The following NFASC variants were observed in gnomAD, a reference collection of about 807,000 sequenced individuals.
The protein encoded by NFASC is neurofascin homolog.
A neutral mutation model predicts 147.5 loss-of-function variants in NFASC; 43 were observed. That is an observed-to-expected ratio of 0.29 (90% confidence interval 0.23 to 0.38). The LOEUF (loss-of-function observed/expected upper bound fraction) is 0.38, where lower values mean the gene tolerates loss of function less well. Among genes scored for constraint, NFASC ranks in the 10% least tolerant of loss-of-function variants. NFASC has a pLI of 1.00. For missense variants in NFASC, 1,320 were observed against 1,689.0 expected, an observed-to-expected ratio of 0.78 and a Z score of 3.83; for synonymous variants, 622 against 665.5, an observed-to-expected ratio of 0.93 and a Z score of 1.01.
intron 1 of NFASC, among the ~76,000 whole-genome samples, chr1:204,849,683 A>C (rs1159870165): frequency 6.6e-6 from 1 of 152,228 alleles, no homozygotes. Flanking sequence ...TCTGCAGCCC[A>C]GTGCTTTAAC....
intron 1 of NFASC, among the ~76,000 whole-genome samples, chr1:204,882,489 C>T (rs1017545335): frequency 6.6e-6 from 1 of 152,148 alleles, no homozygotes; most frequent in African/African-American, 2.4e-5. Context: ...ATATCACTTC[C>T]TGACCACCCT....
intron 4 of NFASC, among the ~76,000 whole-genome samples, chr1:204,951,418 C>A (rs931730600): frequency 6.6e-6 from 1 of 150,982 alleles, no homozygotes; most frequent in African/African-American, 2.4e-5. Flanking sequence ...TCCGCCTCAG[C>A]CTCTCAAAGT....
At chr1:204,937,760 G>A (rs766306557) in intron 2 of NFASC, among the ~76,000 whole-genome samples, 8 of 152,166 alleles carry the variant, frequency 5.3e-5, no homozygotes, top group Non-Finnish European at 7.3e-5. Flanking sequence ...AAACATCCAC[G>A]TGCAGGTCGG....
chr1:204,959,539 C>T (rs1430613939), intron 8 of NFASC, among the ~76,000 whole-genome samples: 2 of 152,204 alleles, frequency 1.3e-5, no homozygotes, highest in African/African-American at 4.8e-5. Flanking sequence ...ACAGCATTGG[C>T]AGGGGGAGGA....
In NFASC at chr1:204,975,154, G is replaced by A; in HGVS notation, c.1559-117G>A. 8.9e-7 allele frequency: 1 copy of A among 1,120,252 alleles called. No individual in the cohort carries two copies. The highest frequency in any genetic ancestry group is 1.5e-5 in the South Asian group (1 of 66,248). 69.4% of individuals were successfully genotyped at this position (1,120,252 alleles called of 1,614,324 possible). On this transcript the variant is annotated intron_variant, in intron 14 of 29. Coordinates refer to ENST00000339876, the MANE Select transcript of NFASC (RefSeq NM_001005388.3). The surrounding 1 kb of genome is among the most constrained non-coding windows in gnomAD (Gnocchi z 4.0). ...CCGTTCATACCATAGCATACTGTTT[G>A]TGCCCCACTCCATAGTTGGCCCAAG...
intron 1 of NFASC, among the ~76,000 whole-genome samples, chr1:204,847,606 G>C (rs1558492826): frequency 6.6e-6 from 1 of 152,170 alleles, no homozygotes; most frequent in East Asian, 1.9e-4. Context: ...CTTTATGTCT[G>C]CTCACTCATT....
intron 1 of NFASC, among the ~76,000 whole-genome samples, chr1:204,914,857 C>T (rs148122311): frequency 3.9e-5 from 6 of 152,082 alleles, no homozygotes; most frequent in African/African-American, 1.4e-4. Flanking sequence ...ATCACATTTA[C>T]CCAAAGATAT....
chr1:205,001,981 G>A lies in NFASC; in HGVS notation c.3137-615G>A, dbSNP rs78817048. Reference sequence around the variant, plus strand: ...AAAGACCCTCTCAGGAGAGAGCAAAGCTGACTTAGTTCTCTCTGGTTGGAG... The same window carrying A: ...AAAGACCCTCTCAGGAGAGAGCAAAACTGACTTAGTTCTCTCTGGTTGGAG... On this transcript the variant is annotated intron_variant, in intron 26 of 29. Transcript: ENST00000339876. Among the ~76,000 whole-genome samples, 1,225 of 152,326 alleles carry A rather than the reference G, an allele frequency of 8.0e-3. 24 individuals are homozygous for A. Among genetic ancestry groups the A allele is most frequent in the South Asian group, 0.013 (62 of 4,832 alleles).
chr1:204,940,887 A>G (rs566310061), intron 2 of NFASC, among the ~76,000 whole-genome samples: 1 of 152,334 alleles, frequency 6.6e-6, no homozygotes, highest in African/African-American at 2.4e-5. Flanking sequence ...GCTGTTGTGC[A>G]TGATGCTGCT....
At chr1:204,861,615 G>A (rs1013107354) in intron 1 of NFASC, among the ~76,000 whole-genome samples, 4 of 152,048 alleles carry the variant, frequency 2.6e-5, no homozygotes, top group South Asian at 4.1e-4. Context: ...TCAGCCTCCC[G>A]AGTAGCTGGG....
At chr1:204,962,009 A>G (rs16854813) in intron 8 of NFASC, 87,166 of 872,406 alleles carry the variant, frequency 0.1, 5,361 homozygotes, top group African/African-American at 0.24. Context: ...TGCCCTCCTC[A>G]GTTGTTTTTC....
chr1:204,848,209 A>C (rs1009772256), intron 1 of NFASC, among the ~76,000 whole-genome samples: 1 of 152,158 alleles, frequency 6.6e-6, no homozygotes, highest in Non-Finnish European at 1.5e-5. Flanking sequence ...AGTTAGATGC[A>C]GTCCCCTTTT....
intron 3 of NFASC, among the ~76,000 whole-genome samples, chr1:204,949,400 C>T (rs1409460312): frequency 1.3e-5 from 2 of 152,198 alleles, no homozygotes; most frequent in Non-Finnish European, 2.9e-5. Context: ...ATGGCTTTGC[C>T]CTGATGCTGG....
chr1:204,863,381 T>G (rs1452911024), intron 1 of NFASC, among the ~76,000 whole-genome samples: 1 of 152,242 alleles, frequency 6.6e-6, no homozygotes, highest in Admixed American at 6.5e-5. Flanking sequence ...GTGAAGGATG[T>G]TGCAGTGATT....
chr1:204,974,444 A>T (rs2150345377), intron 13 of NFASC, 154 bp downstream of exon 13: 1 of 800,482 alleles, frequency 1.2e-6, no homozygotes. Context: ...CAACCTCCTC[A>T]TTGTACAGAA....
In NFASC at chr1:205,002,833, G is replaced by A. The variant is rs185723151; in HGVS notation, c.3289+85G>A. On this transcript the variant is annotated intron_variant, in intron 27 of 29. Coordinates refer to ENST00000339876, the MANE Select transcript of NFASC (RefSeq NM_001005388.3). ...CAGCTTCCTGCTTGCCTCTCTCCTC[G>A]GAAAGAAGACTCATCCCCCACCCCA... 2.7e-4 allele frequency: 299 copies of A among 1,123,358 alleles called. 2 individuals are homozygous for A. The African/African-American group carries it at 4.0e-3, about 15-fold the overall frequency. The allele number at this position is 1,123,358 out of a possible 1,614,324, so 69.6% of individuals were successfully genotyped here. A position where few individuals can be genotyped will look rare whatever the true frequency, so the allele number is the denominator to read the frequency against.
At position 204,984,570 on chromosome 1, in the gene NFASC, G is replaced by A. The variant is rs1334279042; in HGVS notation, c.2470+2550G>A. Among the ~76,000 whole-genome samples the A allele has an allele frequency of 3.9e-5, 6 of 152,018 alleles. No individual in the cohort carries two copies. The Middle Eastern group carries it at 0.017, about 431-fold the overall frequency. ...TTCAGAGCAGTGTTGAGGCACCGCT[G>A]AGCTACTCCCCTCCCCTCTCCCAAT... On this transcript the variant is annotated intron_variant, in intron 21 of 29. Coordinates refer to ENST00000339876, the MANE Select transcript of NFASC (RefSeq NM_001005388.3).
chr1:204,915,177 G>A (rs1040105104), intron 1 of NFASC, among the ~76,000 whole-genome samples: 3 of 152,164 alleles, frequency 2.0e-5, no homozygotes, highest in Admixed American at 2.0e-4. Flanking sequence ...CTACTCGGGA[G>A]GCTGAGGCAG....
chr1:204,961,151 G>A (rs2094644397), intron 8 of NFASC, among the ~76,000 whole-genome samples: 1 of 152,074 alleles, frequency 6.6e-6, no homozygotes, highest in Admixed American at 6.5e-5. Flanking sequence ...AGGTAGAGAG[G>A]GAAAAGCTCC....
Sources: allele counts gnomAD v4.1 joint callset (sites outside exome capture counted in the v4.1 genomes callset), GRCh38; gene constraint gnomAD v4.1.1; non-coding constraint Gnocchi (gnomAD v3.1); transcripts MANE v1.5; gene names NCBI Gene and HGNC (gene_info 2026-07-23, HGNC 2026-07-21).